The following SPTSSB variants were observed in gnomAD, a reference collection of about 807,000 sequenced individuals.
The protein encoded by SPTSSB is androgen down regulated in mouse prostate.
A neutral mutation model predicts 7.7 loss-of-function variants in SPTSSB; 6 were observed. The ratio of observed to expected loss-of-function variants is 0.78; its 90% confidence interval spans 0.43 to 1.54. SPTSSB has a LOEUF of 1.54. Among genes scored for constraint, SPTSSB ranks in the 40% most tolerant of loss-of-function variants. SPTSSB has a pLI of 0.01. For synonymous variants in SPTSSB, 28 were observed against 29.7 expected (o/e 0.94, Z 0.19); for missense variants, 91 against 93.0 (o/e 0.98, Z 0.09).
chr3:161,366,671 A>G (rs1173185490), intron 1 of SPTSSB, among the ~76,000 whole-genome samples: 5 of 151,992 alleles, frequency 3.3e-5, no homozygotes, highest in Admixed American at 3.3e-4. Flanking sequence ...TAATTTACTT[A>G]TTATTATTAA....
intron 2 of SPTSSB, among the ~76,000 whole-genome samples, chr3:161,350,265 TA>T (rs1368247298): frequency 6.6e-6 from 1 of 152,030 alleles, no homozygotes; most frequent in Non-Finnish European, 1.5e-5. Flanking sequence ...ACCTTGGAAA[TA>T]TTGCAGAAGA....
At position 161,371,430 on chromosome 3, in the gene SPTSSB, C is replaced by A. The variant is rs1391557396; in HGVS notation, c.-126+5G>T. 2.0e-6 allele frequency: 2 copies of A among 985,316 alleles called. No individual in the cohort carries two copies. Among genetic ancestry groups the A allele is most frequent in the Non-Finnish European group, 2.4e-6 (2 of 829,942 alleles). 61.0% of individuals were successfully genotyped at this position (985,316 alleles called of 1,614,324 possible). A position where few individuals can be genotyped will look rare whatever the true frequency, so the allele number is the denominator to read the frequency against. On this transcript the variant is annotated splice_donor_5th_base_variant and intron_variant, in intron 1 of 2. Transcript: ENST00000620149. ...GTTCAAGTAGGTATTTTGGAAGATG[C>A]TTACCTCCCAGTTGGGTGTATCTCC...
chr3:161,371,179 A>G (rs1259812221), intron 1 of SPTSSB, among the ~76,000 whole-genome samples: 1 of 152,200 alleles, frequency 6.6e-6, no homozygotes, highest in Non-Finnish European at 1.5e-5. Flanking sequence ...GAAAATAGTA[A>G]AGAAATTTTC....
intron 2 of SPTSSB, among the ~76,000 whole-genome samples, chr3:161,355,551 C>T (rs1348380198): frequency 1.3e-5 from 2 of 152,150 alleles, no homozygotes; most frequent in Non-Finnish European, 2.9e-5. Flanking sequence ...GCACATGCTA[C>T]AACATGGATG....
At chr3:161,357,144 T>A (rs1714805163) in intron 2 of SPTSSB, among the ~76,000 whole-genome samples, 1 of 152,160 alleles carries the variant, frequency 6.6e-6, no homozygotes, top group Non-Finnish European at 1.5e-5. Context: ...GTATTCCAGG[T>A]TAGATGGTTT....
chr3:161,359,518 T>C (rs549793391), intron 2 of SPTSSB: 2 of 161,732 alleles, frequency 1.2e-5, no homozygotes, highest in African/African-American at 4.8e-5. Context: ...GGGGGGAGGG[T>C]CCTATGGACC....
intron 2 of SPTSSB, among the ~76,000 whole-genome samples, chr3:161,355,995 AG>A (rs1306334598): frequency 6.6e-6 from 1 of 152,232 alleles, no homozygotes; most frequent in Non-Finnish European, 1.5e-5. Flanking sequence ...TTACTAGTCT[AG>A]CAAAATCACA....
chr3:161,357,008 A>G (rs1372345981), intron 2 of SPTSSB, among the ~76,000 whole-genome samples: 1 of 152,160 alleles, frequency 6.6e-6, no homozygotes, highest in Non-Finnish European at 1.5e-5. Context: ...AAAAATAAAA[A>G]AGGAAAAGAA....
In SPTSSB at chr3:161,344,989, C is replaced by A. The variant is rs556234908; in HGVS notation, c.*1104G>T. On this transcript the variant is annotated 3_prime_UTR_variant, in exon 3 of 3. Transcript: ENST00000620149. ...AACAAGGGTGCAAATATTGTCCAAACCTATTTACATTTTTACCCTCTAGAA... is the reference window on the plus strand; with the variant it reads ...AACAAGGGTGCAAATATTGTCCAAAACTATTTACATTTTTACCCTCTAGAA... 1 of 152,554 alleles carries A rather than the reference C, an allele frequency of 6.6e-6. No individual in the cohort carries two copies. The highest frequency in any genetic ancestry group is 1.5e-5 in the Non-Finnish European group (1 of 67,994). The allele number at this position is 152,554 out of a possible 1,614,324, so 9.5% of individuals were successfully genotyped here.
chr3:161,361,630 C>T (rs922166397), intron 1 of SPTSSB, among the ~76,000 whole-genome samples: 7 of 152,092 alleles, frequency 4.6e-5, no homozygotes, highest in African/African-American at 1.7e-4. Flanking sequence ...TTAAACAATG[C>T]AACATTGGTG....
chr3:161,367,532 C>T (rs182575655), intron 1 of SPTSSB, among the ~76,000 whole-genome samples: 45 of 152,258 alleles, frequency 3.0e-4, no homozygotes, highest in East Asian at 2.9e-3. Context: ...CATTTCTGGA[C>T]GAAGCATTAT....
At chr3:161,359,434 A>G (rs936515084) in intron 2 of SPTSSB, 2 of 152,224 alleles carry the variant, frequency 1.3e-5, no homozygotes, top group Non-Finnish European at 1.5e-5. Context: ...GTGCTATGCA[A>G]TTCTAACACT....
At chr3:161,362,164 T>C (rs894422601) in intron 1 of SPTSSB, among the ~76,000 whole-genome samples, 2 of 152,114 alleles carry the variant, frequency 1.3e-5, no homozygotes, top group African/African-American at 4.8e-5. Context: ...GTTATGTATG[T>C]TTCTATGCCT....
intron 1 of SPTSSB, among the ~76,000 whole-genome samples, chr3:161,366,186 A>G (rs1484520820): frequency 6.6e-6 from 1 of 152,230 alleles, no homozygotes; most frequent in Non-Finnish European, 1.5e-5. Context: ...CCAAAAGCAA[A>G]CTAATTCTCT....
Position 161,345,140 on chromosome 3 carries a change from A to T in SPTSSB, c.*953T>A, listed in dbSNP as rs775672550. The T allele has an allele frequency of 8.5e-5, 13 of 152,760 alleles. No homozygotes were observed. Among genetic ancestry groups the T allele is most frequent in the African/African-American group, 2.6e-4 (11 of 41,594 alleles). 9.5% of individuals were successfully genotyped at this position (152,760 alleles called of 1,614,324 possible). A position where few individuals can be genotyped will look rare whatever the true frequency, so the allele number is the denominator to read the frequency against. On this transcript the variant is annotated 3_prime_UTR_variant, in exon 3 of 3. Transcript: ENST00000620149. ...TTTAAAGATAAACAGTTTGAAGGAA[A>T]TTTAATAAATCTTGTTTTGGCTCTG...
intron 2 of SPTSSB, among the ~76,000 whole-genome samples, chr3:161,357,056 C>T (rs576116229): frequency 6.6e-6 from 1 of 152,072 alleles, no homozygotes; most frequent in African/African-American, 2.4e-5. Context: ...CATAGAGACA[C>T]GCATAGCGTT....
At chr3:161,359,100 G>A (rs1714901288) in intron 2 of SPTSSB, among the ~76,000 whole-genome samples, 1 of 152,112 alleles carries the variant, frequency 6.6e-6, no homozygotes, top group East Asian at 1.9e-4. Flanking sequence ...GCAGCTAGTA[G>A]TATCTAGGTG....
At chr3:161,359,588 G>T in intron 2 of SPTSSB, 1 of 421,420 alleles carries the variant, frequency 2.4e-6, no homozygotes, top group Non-Finnish European at 3.2e-6. Flanking sequence ...AAAGGAACTT[G>T]GAATATCCGT....
intron 2 of SPTSSB, among the ~76,000 whole-genome samples, chr3:161,350,463 G>A (rs1714477303): frequency 6.6e-6 from 1 of 152,086 alleles, no homozygotes; most frequent in Non-Finnish European, 1.5e-5. Context: ...GCCTAAAGTT[G>A]ATTTTTGGGT....
Sources: gnomAD v4.1 joint callset for allele counts (sites outside exome capture counted in the v4.1 genomes callset) on GRCh38, gnomAD v4.1.1 for gene constraint, MANE v1.5 for transcripts, NCBI Gene and HGNC (gene_info 2026-07-23, HGNC 2026-07-21) for gene names.